BOLA3: variants seen among roughly 807,000 people sequenced by gnomAD.
BOLA3 encodes bolA family member 3.
In BOLA3, 8 loss-of-function variants were observed where a neutral mutation model predicts 14.5. The ratio of observed to expected loss-of-function variants is 0.55; its 90% CI spans 0.32 to 0.99. BOLA3 has a LOEUF of 0.99. Ranked by LOEUF, BOLA3 falls within the 50% of genes least tolerant of loss-of-function variation. The pLI is 0.04. For synonymous variants in BOLA3, 42 were observed against 45.7 expected (o/e 0.92, Z 0.33); for missense variants, 115 against 138.2 (o/e 0.83, Z 0.84).
intron 2 of BOLA3, among the ~76,000 whole-genome samples, chr2:74,143,302 C>T (rs1048952819): frequency 6.7e-6 from 1 of 149,648 alleles, no homozygotes; most frequent in South Asian, 2.1e-4. Flanking sequence ...ACTATAGGCA[C>T]ACACCATCAT....
intron 2 of BOLA3, among the ~76,000 whole-genome samples, chr2:74,144,617 T>A (rs1280258008): frequency 6.6e-6 from 1 of 152,204 alleles, no homozygotes; most frequent in East Asian, 1.9e-4. Context: ...AGCCTGAACT[T>A]CTAGGTGCCA....
chr2:74,135,565 C>T lies in BOLA3; in HGVS notation c.*28G>A, dbSNP rs753960028. The T allele has an allele frequency of 1.9e-6, 3 of 1,613,148 alleles. No individual in the cohort carries two copies. Among genetic ancestry groups the T allele is most frequent in the Non-Finnish European group, 2.5e-6 (3 of 1,179,410 alleles). On this transcript the variant is annotated 3_prime_UTR_variant, in exon 4 of 4. Transcript: ENST00000327428. ...AGTGAAGTTCATCCAAGGTCTTAAG[C>T]AGCAGCATCTATGCAGCCAGGGCGT...
At chr2:74,139,524 CA>C (rs1692398753) in intron 3 of BOLA3, among the ~76,000 whole-genome samples, 1 of 152,126 alleles carries the variant, frequency 6.6e-6, no homozygotes, top group South Asian at 2.1e-4. Context: ...CCATTCCCAA[CA>C]GCTGTCCTGA....
At chr2:74,138,914 G>GCTAC (rs770657218) in intron 3 of BOLA3, among the ~76,000 whole-genome samples, 120 of 152,312 alleles carry the variant, frequency 7.9e-4, no homozygotes, top group Non-Finnish European at 4.3e-4. Flanking sequence ...GATCACCGTG[G>GCTAC]CTACCTACCT....
intron 3 of BOLA3, 96 bp downstream of exon 3, chr2:74,142,176 T>C: frequency 1.1e-6 from 1 of 894,114 alleles, no homozygotes; most frequent in Non-Finnish European, 1.9e-6. Flanking sequence ...TGCATTATTC[T>C]CTCCTGCAAC....
chr2:74,147,890 CCCG>C lies in BOLA3; in HGVS notation c.-19_-17del, dbSNP rs1285134419. 1.3e-6 allele frequency: 2 copies of C among 1,513,536 alleles called. No homozygotes were observed. Among genetic ancestry groups the C allele is most frequent in the South Asian group, 2.4e-5 (2 of 81,698 alleles). The allele number at this position is 1,513,536 out of a possible 1,614,324, so 93.8% of individuals were successfully genotyped here. On this transcript the variant is annotated 5_prime_UTR_variant, in exon 1 of 4. Transcript: ENST00000327428. ...ATGCAGCCATGCCCGGCCGACGTGA[CCCG>C]CCGCCCGAGGTCACTGTATGCCCGA...
chr2:74,140,277 C>G (rs1367259310), intron 3 of BOLA3, among the ~76,000 whole-genome samples: 1 of 152,102 alleles, frequency 6.6e-6, no homozygotes, highest in African/African-American at 2.4e-5. Context: ...GAGTGATACT[C>G]TGTGGGAGGG....
chr2:74,143,402 AC>A (rs1229358228), intron 2 of BOLA3, among the ~76,000 whole-genome samples: 2 of 151,572 alleles, frequency 1.3e-5, no homozygotes, highest in African/African-American at 2.4e-5. Context: ...CTCGTGATCC[AC>A]CCGCCTCGGC....
In BOLA3 at chr2:74,137,003, A is replaced by G. The variant is rs532269117; in HGVS notation, c.259-1345T>C. ...GACCGCTCAAGTTTATAATCAGTACAGAGGAAGAAATAAGGTCCTTTTATA... is the reference window on the plus strand; with the variant it reads ...GACCGCTCAAGTTTATAATCAGTACGGAGGAAGAAATAAGGTCCTTTTATA... On this transcript the variant is annotated intron_variant, in intron 3 of 3. Coordinates refer to ENST00000327428, the MANE Select transcript of BOLA3 (RefSeq NM_212552.3). Among the ~76,000 whole-genome samples the G allele has an allele frequency of 1.3e-5, 2 of 152,238 alleles. 1 individual carries two copies. Among genetic ancestry groups the G allele is most frequent in the Admixed American group, 1.3e-4 (2 of 15,234 alleles).
At chr2:74,138,578 C>T (rs937612628) in intron 3 of BOLA3, among the ~76,000 whole-genome samples, 2 of 152,218 alleles carry the variant, frequency 1.3e-5, no homozygotes, top group African/African-American at 4.8e-5. Flanking sequence ...CCGTGATTCA[C>T]TGAGGTAGGC....
Position 74,145,320 on chromosome 2 carries a change from A to C in BOLA3, c.55-17T>G. On this transcript the variant is annotated splice_polypyrimidine_tract_variant and intron_variant, in intron 1 of 3. Transcript: ENST00000327428. Reference sequence around the variant, plus strand: ...AAGTGGAAGCTGCCACAGAACAGAGAGGAAGGTCAGGGCAGAGGAAGATGC... The same window carrying C: ...AAGTGGAAGCTGCCACAGAACAGAGCGGAAGGTCAGGGCAGAGGAAGATGC... 1 of 1,413,952 alleles carries C rather than the reference A, an allele frequency of 7.1e-7. No individual in the cohort carries two copies. Among genetic ancestry groups the C allele is most frequent in the East Asian group, 2.3e-5 (1 of 43,942 alleles). 87.6% of individuals were successfully genotyped at this position (1,413,952 alleles called of 1,614,324 possible). A position where few individuals can be genotyped will look rare whatever the true frequency, so the allele number is the denominator to read the frequency against.
At chr2:74,144,697 T>C (rs1692510642) in intron 2 of BOLA3, among the ~76,000 whole-genome samples, 1 of 152,140 alleles carries the variant, frequency 6.6e-6, no homozygotes, top group African/African-American at 2.4e-5. Flanking sequence ...CTCCCCTGAG[T>C]CCCGGTTCTG....
intron 3 of BOLA3, among the ~76,000 whole-genome samples, chr2:74,141,469 AG>A (rs1692436769): frequency 6.6e-6 from 1 of 152,092 alleles, no homozygotes; most frequent in South Asian, 2.1e-4. Context: ...AGGGCAACCC[AG>A]GCAGAAGGTC....
chr2:74,144,040 C>G (rs1692495769), intron 2 of BOLA3, among the ~76,000 whole-genome samples: 1 of 134,180 alleles, frequency 7.5e-6, no homozygotes, highest in South Asian at 2.4e-4. Context: ...CAGTCTCGCT[C>G]TGTCACCCAG....
Position 74,147,826 on chromosome 2 carries a change from G to A in BOLA3, c.49C>T (p.Arg17Cys). The change falls in exon 1 of 4, where the codon CGC (arginine) becomes TGC (cysteine). Residue 17 changes from arginine (R) to cysteine (C), a missense_variant. Coordinates refer to ENST00000327428, the MANE Select transcript of BOLA3 (RefSeq NM_212552.3). The stretch of plus-strand genomic sequence containing the variant: ...CCGACCCTGCCCACGCTCACCCCGC[G>A]GATCCCGCGGAGGAGAGGCGCTGCC... Reference protein sequence around the residue: ...AAAAPLLRGIRGLPLHHRMFA... With the variant: ...AAAAPLLRGICGLPLHHRMFA... 6.5e-7 allele frequency: 1 copy of A among 1,528,650 alleles called. No homozygotes were observed. Among genetic ancestry groups the A allele is most frequent in the Non-Finnish European group, 8.7e-7 (1 of 1,144,466 alleles). The allele number at this position is 1,528,650 out of a possible 1,614,324, so 94.7% of individuals were successfully genotyped here.
In BOLA3 at chr2:74,142,341, A is replaced by C; in HGVS notation, c.189T>G (p.Tyr63Ter). The C allele has an allele frequency of 1.9e-6, 3 of 1,613,448 alleles. No individual in the cohort carries two copies. Among genetic ancestry groups the C allele is most frequent in the Non-Finnish European group, 2.5e-6 (3 of 1,179,480 alleles). ...TDISGGCGAM[Y>*]EIKIESEEFK... ...ATTCTTCTGATTCAATTTTAATTTC[A>C]TACATCGCCCCACAACCTCCTAAAA... The change falls in exon 3 of 4, where the codon TAT becomes TAG. Residue 63 changes from tyrosine (Y) to a stop codon, truncating the protein, a stop_gained. Transcript: ENST00000327428. LOFTEE classifies it high-confidence loss of function.
At chr2:74,136,217 C>T (rs9917179) in intron 3 of BOLA3, among the ~76,000 whole-genome samples, 78,059 of 151,948 alleles carry the variant, frequency 0.51, 20,725 homozygotes, top group African/African-American at 0.65. Context: ...CCCAAAGTGC[C>T]GGAATTACAA....
At chr2:74,140,930 T>G (rs537609629) in intron 3 of BOLA3, among the ~76,000 whole-genome samples, 1 of 152,308 alleles carries the variant, frequency 6.6e-6, no homozygotes, top group South Asian at 2.1e-4. Flanking sequence ...AAGTGGGAAG[T>G]CCAATTCCAG....
intron 3 of BOLA3, among the ~76,000 whole-genome samples, chr2:74,140,342 T>C (rs1396876541): frequency 6.6e-6 from 1 of 152,200 alleles, no homozygotes; most frequent in Non-Finnish European, 1.5e-5. Context: ...ATGTGAGTTC[T>C]CCAAAACAGA....
Sources: allele counts gnomAD v4.1 joint callset (sites outside exome capture counted in the v4.1 genomes callset), GRCh38; gene constraint gnomAD v4.1.1; transcripts MANE v1.5; gene names NCBI Gene and HGNC (gene_info 2026-07-23, HGNC 2026-07-21).